FANCA: variants seen among roughly 807,000 people sequenced by gnomAD.
The protein encoded by FANCA is Fanconi anemia group A protein.
A neutral mutation model predicts 194.3 loss-of-function variants in FANCA; 236 were observed. The ratio of observed to expected loss-of-function variants is 1.21; its 90% CI spans 1.09 to 1.35. FANCA has a LOEUF of 1.35. FANCA is among the 40% of genes most tolerant of loss of function. The pLI is 0.00. For missense variants in FANCA, 2,628 were observed against 1,813.9 expected, an observed-to-expected ratio of 1.45 and a Z score of -8.15; for synonymous variants, 1,014 against 715.8, an observed-to-expected ratio of 1.42 and a Z score of -6.65.
chr16:89,756,561 G>T (rs2038773726), intron 30 of FANCA, among the ~76,000 whole-genome samples: 1 of 152,166 alleles, frequency 6.6e-6, no homozygotes, highest in African/African-American at 2.4e-5. Flanking sequence ...GGAGGTCGAG[G>T]CTGCAGTGGG....
Position 89,805,279 on chromosome 16 carries a change from C to G in FANCA, c.709+1G>C, listed in dbSNP as rs753211631. 1 of 1,612,356 alleles carries G rather than the reference C, an allele frequency of 6.2e-7. No homozygotes were observed. The highest frequency in any genetic ancestry group is 1.7e-5 in the Admixed American group (1 of 59,966). On this transcript the variant is annotated splice_donor_variant, in intron 7 of 42. Coordinates refer to ENST00000389301, the MANE Select transcript of FANCA (RefSeq NM_000135.4). LOFTEE classifies it high-confidence loss of function. The stretch of plus-strand genomic sequence containing the variant: ...GAACCCGCATCTTGTCATGAACGCA[C>G]CAGAAAGCATGGCCCTGGCGACGTC...
chr16:89,764,789 G>A (rs775923857), intron 28 of FANCA, 101 bp downstream of exon 28: 26 of 1,373,342 alleles, frequency 1.9e-5, no homozygotes, highest in Non-Finnish European at 2.7e-5. Flanking sequence ...TGATGCAGGG[G>A]AAGGAACGGT....
At chr16:89,776,153 G>GTTT (rs908520331) in intron 20 of FANCA, among the ~76,000 whole-genome samples, 2 of 91,784 alleles carry the variant, frequency 2.2e-5, no homozygotes, top group African/African-American at 3.8e-5. Context: ...ACGAATCTTT[G>GTTT]TTTTTCTTTT....
rs565790419 is a variant in FANCA, at chr16:89,746,435, A to T, written c.3513+149T>A. 4 of 716,470 alleles carry T rather than the reference A, an allele frequency of 5.6e-6. No individual in the cohort carries two copies. In the East Asian group the frequency reaches 1.1e-4, roughly 20 times the overall value. The allele number at this position is 716,470 out of a possible 1,614,324, so 44.4% of individuals were successfully genotyped here. Reference sequence around the variant, plus strand: ...CGGCCCTCATCTGCTATGAGCTGGCATCTTTAACTGTGGCTTCCATGTCTC... The same window carrying T: ...CGGCCCTCATCTGCTATGAGCTGGCTTCTTTAACTGTGGCTTCCATGTCTC... On this transcript the variant is annotated intron_variant, in intron 35 of 42. Transcript: ENST00000389301.
At chr16:89,780,234 A>C (rs1334083002) in intron 17 of FANCA, among the ~76,000 whole-genome samples, 1 of 152,130 alleles carries the variant, frequency 6.6e-6, no homozygotes, top group Non-Finnish European at 1.5e-5. Context: ...CTCTGCTGAG[A>C]GCCTGCCGTG....
intron 26 of FANCA, 60 bp downstream of exon 26, chr16:89,769,777 G>C: frequency 1.3e-6 from 2 of 1,574,844 alleles, no homozygotes; most frequent in Non-Finnish European, 1.7e-6. Context: ...TTTATCAAAC[G>C]AGCATGTGTC....
intron 17 of FANCA, 69 bp downstream of exon 17, chr16:89,782,790 C>G: frequency 4.2e-6 from 6 of 1,413,352 alleles, no homozygotes; most frequent in Admixed American, 1.7e-5. Flanking sequence ...ACTCAAGAGT[C>G]AAAAGAAACT....
Position 89,738,878 on chromosome 16 carries a change from T to A in FANCA, c.4260+4A>T. On this transcript the variant is annotated splice_donor_region_variant and intron_variant, in intron 42 of 42. Transcript: ENST00000389301. Reference sequence around the variant, plus strand: ...ATGGCCCAAGGTGGGCATCTTGACGTTACCTCTGCCACGTGTGAGAAGCTC... The same window carrying A: ...ATGGCCCAAGGTGGGCATCTTGACGATACCTCTGCCACGTGTGAGAAGCTC... The A allele has an allele frequency of 1.2e-6, 2 of 1,614,270 alleles. No homozygotes were observed. The highest frequency in any genetic ancestry group is 8.5e-7 in the Non-Finnish European group (1 of 1,180,050).
intron 26 of FANCA, among the ~76,000 whole-genome samples, chr16:89,768,159 G>A (rs2039194905): frequency 6.6e-6 from 1 of 152,132 alleles, no homozygotes; most frequent in African/African-American, 2.4e-5. Context: ...TGCACCTGTG[G>A]TCTCAGCTAC....
intron 3 of FANCA, among the ~76,000 whole-genome samples, chr16:89,812,774 C>T (rs1425918111): frequency 1.3e-5 from 2 of 151,800 alleles, no homozygotes; most frequent in African/African-American, 4.8e-5. Context: ...GTGGCTCATG[C>T]CTGTAATCCC....
intron 26 of FANCA, among the ~76,000 whole-genome samples, chr16:89,768,502 A>G (rs1202119632): frequency 6.6e-6 from 1 of 152,120 alleles, no homozygotes; most frequent in Non-Finnish European, 1.5e-5. Context: ...CTAAAAATAC[A>G]TAAATTAGCT....
intron 5 of FANCA, among the ~76,000 whole-genome samples, chr16:89,809,676 C>A (rs1257703846): frequency 1.3e-5 from 2 of 151,844 alleles, no homozygotes; most frequent in Admixed American, 6.6e-5. Context: ...ATGGAGAAAC[C>A]CCGTCTCTAC....
intron 31 of FANCA, among the ~76,000 whole-genome samples, chr16:89,750,427 G>A (rs2038545687): frequency 1.3e-5 from 2 of 150,962 alleles, no homozygotes; most frequent in South Asian, 4.2e-4. Context: ...AGCTTGCAGT[G>A]AGCCCAGATC....
chr16:89,739,034 T>TC, intron 41 of FANCA, 60 bp from the exon 42 acceptor site: 3 of 1,614,016 alleles, frequency 1.9e-6, no homozygotes, highest in Non-Finnish European at 2.5e-6. Context: ...GGCTGGTGTG[T>TC]CCCCCATAGT....
chr16:89,755,852 G>A (rs969785114), intron 30 of FANCA, among the ~76,000 whole-genome samples: 2 of 151,704 alleles, frequency 1.3e-5, no homozygotes, highest in Admixed American at 6.6e-5. Context: ...TAGGCCACAC[G>A]GCACGGCCCA....
At chr16:89,769,773 A>T in intron 26 of FANCA, 64 bp downstream of exon 26, 1 of 1,569,444 alleles carries the variant, frequency 6.4e-7, no homozygotes, top group African/African-American at 1.4e-5. Context: ...TAATTTTATC[A>T]AACGAGCATG....
chr16:89,743,444 T>C (rs979977621), intron 36 of FANCA, among the ~76,000 whole-genome samples: 1 of 152,222 alleles, frequency 6.6e-6, no homozygotes, highest in Non-Finnish European at 1.5e-5. Flanking sequence ...ACGGTTCACA[T>C]CTGCAATCAT....
chr16:89,795,947 T>G lies in FANCA; in HGVS notation c.965A>C (p.His322Pro). Residue 322 changes from histidine (H) to proline (P), a missense_variant, in exon 11 of 43, where the codon CAT becomes CCT. Transcript: ENST00000389301. ...STDPLKRFFS[H>P]TLTQILTHSP... ...GTGAGTGAGTATCTGAGTCAGGGTA[T>G]GACTGAAGAACCTCTTCAGAGGATC... The G allele has an allele frequency of 6.2e-7, 1 of 1,614,124 alleles. No individual in the cohort carries two copies. Among genetic ancestry groups the G allele is most frequent in the Non-Finnish European group, 8.5e-7 (1 of 1,180,006 alleles).
chr16:89,809,199 C>A (rs2040782151), intron 5 of FANCA, among the ~76,000 whole-genome samples: 1 of 151,220 alleles, frequency 6.6e-6, no homozygotes, highest in African/African-American at 2.4e-5. Context: ...AGCCACTGGG[C>A]CCGGCCCCTA....
Sources: gnomAD v4.1 joint callset for allele counts (sites outside exome capture counted in the v4.1 genomes callset) on GRCh38, gnomAD v4.1.1 for gene constraint, MANE v1.5 for transcripts, NCBI Gene and HGNC (gene_info 2026-07-23, HGNC 2026-07-21) for gene names.